The following NMD3 variants were observed in gnomAD, a reference collection of about 807,000 sequenced individuals.
NMD3 encodes 60S ribosomal export protein NMD3.
In NMD3, 47 loss-of-function variants were observed where a neutral mutation model predicts 73.1. That is an observed-to-expected ratio of 0.64 (90% CI 0.51 to 0.82). NMD3 has a LOEUF of 0.82. NMD3 is among the 40% of genes least tolerant of loss of function. The pLI, the probability that NMD3 is intolerant of heterozygous loss-of-function variation, is 0.00. For missense variants in NMD3, 554 were observed against 612.5 expected (o/e 0.90, Z 1.01); for synonymous variants, 210 against 194.5 (o/e 1.08, Z -0.66).
Position 161,246,393 on chromosome 3 carries a change from T to G in NMD3, c.1075T>G (p.Tyr359Asp), listed in dbSNP as rs1171750443. 1 of 1,532,394 alleles carries G rather than the reference T, an allele frequency of 6.5e-7. No homozygotes were observed. Among genetic ancestry groups the G allele is most frequent in the Non-Finnish European group, 8.9e-7 (1 of 1,123,584 alleles). 94.9% of individuals were successfully genotyped at this position (1,532,394 alleles called of 1,614,324 possible). Reference protein sequence around the residue: ...KTSEMNTDKQYFCRTHLGHLL... With the variant: ...KTSEMNTDKQDFCRTHLGHLL... ...ATCTGAAATGAATACAGATAAACAG[T>G]ATTTTTGTCGTACTCATTTGGGACA... Residue 359 changes from tyrosine (Y) to aspartate (D), a missense_variant, in exon 12 of 16, where the codon TAT (tyrosine) becomes GAT (aspartate). Transcript: ENST00000351193.
In NMD3 at chr3:161,247,242, A is replaced by G; in HGVS notation, c.1131-16A>G. ...AGGGTAAATGGTCACTAAGTTTTTC[A>G]TTGTTTACATTTCAGGTTTGATTTG... On this transcript the variant is annotated splice_polypyrimidine_tract_variant and intron_variant, in intron 12 of 15. Transcript: ENST00000351193. 6.3e-7 allele frequency: 1 copy of G among 1,580,094 alleles called. No individual in the cohort carries two copies. Among genetic ancestry groups the G allele is most frequent in the Non-Finnish European group, 8.7e-7 (1 of 1,149,818 alleles).
At chr3:161,250,670 T>A in intron 15 of NMD3, 110 bp from the exon 16 acceptor site, 1 of 675,330 alleles carries the variant, frequency 1.5e-6, no homozygotes, top group Non-Finnish European at 2.4e-6. Flanking sequence ...TACAATGTAG[T>A]TACATAATAA....
intron 1 of NMD3, 177 bp from the exon 2 acceptor site, chr3:161,221,817 T>C (rs1332474123): frequency 2.3e-5 from 11 of 468,990 alleles, no homozygotes. Flanking sequence ...TAAAGTTCTT[T>C]TTAACGAACT....
intron 10 of NMD3, 137 bp downstream of exon 10, chr3:161,241,300 C>T (rs986429984): frequency 5.5e-6 from 3 of 549,958 alleles, no homozygotes; most frequent in South Asian, 5.1e-5. Context: ...TTGTTTAATA[C>T]AAAACATTGT....
At chr3:161,222,150 A>AAAGAGAGAGCGTATATTGTC (rs1314901688) in intron 2 of NMD3, 93 bp downstream of exon 2, 29 of 982,652 alleles carry the variant, frequency 3.0e-5, no homozygotes, top group Non-Finnish European at 4.5e-5. Context: ...GGTGGGTGGG[A>AAAGAGAGAGCGTATATTGTC]AAGAGCGTAT....
At position 161,250,870 on chromosome 3, in the gene NMD3, A is replaced by G. The variant is rs772068967; in HGVS notation, c.1472A>G (p.Gln491Arg). ...ATGCTTGAAGACCTTCATATTTCCC[A>G]AGATGCCACTGGTGAAGAAGGTGCA... Reference protein sequence around the residue: ...AEMLEDLHISQDATGEEGASM... With the variant: ...AEMLEDLHISRDATGEEGASM... Residue 491 changes from glutamine to arginine, a missense_variant, in exon 16 of 16, where the codon CAA (glutamine) becomes CGA (arginine). By Grantham distance (43) the Gln-to-Arg change is conservative (BLOSUM62 1). Transcript: ENST00000351193. The G allele has an allele frequency of 5.0e-6, 8 of 1,612,720 alleles. No individual in the cohort carries two copies. Among genetic ancestry groups the G allele is most frequent in the Non-Finnish European group, 6.8e-6 (8 of 1,179,002 alleles).
rs1472043219 is a variant in NMD3 at position 161,221,341 on chromosome 3, T to G, written c.-89T>G. The G allele has an allele frequency of 1.3e-5, 2 of 152,394 alleles. No individual in the cohort carries two copies. Among genetic ancestry groups the G allele is most frequent in the Non-Finnish European group, 2.9e-5 (2 of 68,158 alleles). The allele number at this position is 152,394 out of a possible 1,614,324, so 9.4% of individuals were successfully genotyped here. On this transcript the variant is annotated 5_prime_UTR_variant, in exon 1 of 16. Transcript: ENST00000351193. ...TGGCGGAGACAGCCAGGTTGGCAGC[T>G]GACGGGACAGCCGGGGTCTATTTTG...
Position 161,228,968 on chromosome 3 carries a change from A to G in NMD3, c.276+1625A>G, listed in dbSNP as rs1736433517. 2.0e-5 allele frequency among the ~76,000 whole-genome samples: 3 copies of G among 152,214 alleles called. No homozygotes were observed. In the South Asian group the frequency reaches 6.2e-4, roughly 31 times the overall value. On this transcript the variant is annotated intron_variant, in intron 4 of 15. Transcript: ENST00000351193. Reference sequence around the variant, plus strand: ...GGGGAGGGCTCACTGATAGGGTGACATTTGAGTAAACACTAAAGATTACAG... The same window carrying G: ...GGGGAGGGCTCACTGATAGGGTGACGTTTGAGTAAACACTAAAGATTACAG...
intron 2 of NMD3, 78 bp from the exon 3 acceptor site, chr3:161,224,852 T>G (rs369371059): frequency 3.6e-6 from 5 of 1,401,258 alleles, no homozygotes; most frequent in Non-Finnish European, 4.8e-6. Context: ...TGAAGGCTTT[T>G]GTTTGTTTGG....
In NMD3 at chr3:161,225,008, C is replaced by G. The variant is rs137998492; in HGVS notation, c.123C>G (p.Asp41Glu). 25 of 1,613,792 alleles carry G rather than the reference C, an allele frequency of 1.5e-5. No homozygotes were observed. In the African/African-American group the frequency reaches 3.3e-4, roughly 22 times the overall value. Reference protein sequence around the residue: ...ICVACLRSKVDISQGIPKQVS... With the variant: ...ICVACLRSKVEISQGIPKQVS... ...TGGCCTGTTTGCGAAGTAAAGTGGA[C>G]ATCAGCCAAGGTATTCCGAAACAAG... Residue 41 changes from aspartate to glutamate, a missense_variant, in exon 3 of 16, where the codon GAC becomes GAG. Physicochemically the swap from Asp to Glu is conservative, Grantham distance 45. Transcript: ENST00000351193.
chr3:161,234,796 G>T lies in NMD3; in HGVS notation c.427G>T (p.Asp143Tyr), dbSNP rs1736683288. The T allele has an allele frequency of 6.2e-7, 1 of 1,613,254 alleles. No individual in the cohort carries two copies. Among genetic ancestry groups the T allele is most frequent in the South Asian group, 1.1e-5 (1 of 91,064 alleles). ...TGTTGTTCAGTCCCAAATGTGTGGAGATTGCCATAGAGTAGAAGCTAAGGA... is the reference window on the plus strand; with the variant it reads ...TGTTGTTCAGTCCCAAATGTGTGGATATTGCCATAGAGTAGAAGCTAAGGA... ...DYVVQSQMCG[D>Y]CHRVEAKDFW... Residue 143 changes from aspartate to tyrosine, a missense_variant, in exon 6 of 16, where the codon GAT becomes TAT. Transcript: ENST00000351193.
At chr3:161,230,350 T>C (rs1463798837) in intron 4 of NMD3, among the ~76,000 whole-genome samples, 7 of 152,126 alleles carry the variant, frequency 4.6e-5, no homozygotes, top group Non-Finnish European at 8.8e-5. Context: ...ATACCCAGAC[T>C]GGTGTTGAAC....
At position 161,250,981 on chromosome 3, in the gene NMD3, A is replaced by C. The variant is rs1415281005; in HGVS notation, c.*71A>C. 1.0e-5 allele frequency: 13 copies of C among 1,253,026 alleles called. 1 individual carries two copies. In the South Asian group the frequency reaches 1.9e-4, roughly 18 times the overall value. The allele number at this position is 1,253,026 out of a possible 1,614,324, so 77.6% of individuals were successfully genotyped here. ...CAGAGTTACCTTAAGTGTCTCTACTATCTTTGCCTCCAGATTTCAAGAGGA... is the reference window on the plus strand; with the variant it reads ...CAGAGTTACCTTAAGTGTCTCTACTCTCTTTGCCTCCAGATTTCAAGAGGA... On this transcript the variant is annotated 3_prime_UTR_variant, in exon 16 of 16. Transcript: ENST00000351193.
At chr3:161,234,684 TAAAC>T (rs750424370) in intron 5 of NMD3, 39 bp from the exon 6 acceptor site, 3 of 1,533,186 alleles carry the variant, frequency 2.0e-6, no homozygotes, top group African/African-American at 1.4e-5. Flanking sequence ...TATTTGTTAT[TAAAC>T]AAAACCAAAA....
intron 6 of NMD3, 92 bp from the exon 7 acceptor site, chr3:161,235,030 C>A: frequency 1.1e-6 from 1 of 888,268 alleles, no homozygotes. Context: ...TTTGAAAAAT[C>A]AGTATGCTCT....
rs375214640 is a variant in NMD3 at position 161,234,834 on chromosome 3, T to C, written c.465T>C (p.Ala155=). The change falls in exon 6 of 16, where the codon GCT becomes GCC. Residue 155 remains alanine (A), a synonymous_variant. Coordinates refer to ENST00000351193, the MANE Select transcript of NMD3 (RefSeq NM_015938.5). ...HRVEAKDFWK[A]VIQVRQKTLH... ...TAGAAGCTAAGGATTTCTGGAAGGC[T>C]GTGATTCAAGTGAGGCAAAAGGTAA... is the stretch of plus-strand genomic sequence containing the variant. The C allele has an allele frequency of 6.2e-7, 1 of 1,613,376 alleles. No individual in the cohort carries two copies. Among genetic ancestry groups the C allele is most frequent in the Non-Finnish European group, 8.5e-7 (1 of 1,179,544 alleles).
At chr3:161,246,746 TTTA>T (rs1737224497) in intron 12 of NMD3, among the ~76,000 whole-genome samples, 2 of 152,200 alleles carry the variant, frequency 1.3e-5, no homozygotes, top group Admixed American at 1.3e-4. Context: ...TTGGGTCTTT[TTTA>T]TTGTGCAGTT....
chr3:161,226,551 TTC>T (rs1736326282), intron 3 of NMD3, among the ~76,000 whole-genome samples: 1 of 152,198 alleles, frequency 6.6e-6, no homozygotes, highest in Non-Finnish European at 1.5e-5. Context: ...AGTCAAAACT[TTC>T]TGTTATGTAA....
At chr3:161,228,936 G>C (rs767469652) in intron 4 of NMD3, among the ~76,000 whole-genome samples, 1 of 152,152 alleles carries the variant, frequency 6.6e-6, no homozygotes, top group South Asian at 2.1e-4. Context: ...TAAAGTAAGG[G>C]TGTTTAGGGG....
Sources: allele counts gnomAD v4.1 joint callset (sites outside exome capture counted in the v4.1 genomes callset), GRCh38; gene constraint gnomAD v4.1.1; transcripts MANE v1.5; gene names NCBI Gene and HGNC (gene_info 2026-07-23, HGNC 2026-07-21).